The following DMWD variants were observed in gnomAD, a reference collection of about 807,000 sequenced individuals.
The protein encoded by DMWD is DM1 locus, WD repeat containing, also known as dystrophia myotonica WD repeat-containing protein.
Under a neutral mutation model 45.8 loss-of-function variants are expected in DMWD, and 19 were observed. That is an observed-to-expected ratio of 0.41 (90% CI 0.29 to 0.61). DMWD has a LOEUF of 0.61. Among genes scored for constraint, DMWD ranks in the 20% least tolerant of loss-of-function variants. DMWD has a pLI of 0.25. For synonymous variants in DMWD, 515 were observed against 440.5 expected, an observed-to-expected ratio of 1.17 and a Z score of -2.12; for missense variants, 802 against 965.2, an observed-to-expected ratio of 0.83 and a Z score of 2.24.
intron 2 of DMWD, among the ~76,000 whole-genome samples, chr19:45,788,757 C>T (rs1410661579): frequency 7.1e-6 from 1 of 141,774 alleles, no homozygotes; most frequent in Non-Finnish European, 1.6e-5. Context: ...AAAGAGACCC[C>T]GCCTCTACAA....
At chr19:45,788,308 C>T (rs1970309486) in intron 2 of DMWD, among the ~76,000 whole-genome samples, 2 of 152,268 alleles carry the variant, frequency 1.3e-5, no homozygotes, top group East Asian at 1.9e-4. Flanking sequence ...AGCCTGAGGC[C>T]CTAATGCTCT....
chr19:45,784,099 C>T lies in DMWD; in HGVS notation c.*144G>A. On this transcript the variant is annotated 3_prime_UTR_variant, in exon 5 of 5. Coordinates refer to ENST00000270223, the MANE Select transcript of DMWD (RefSeq NM_004943.2). ...CGTGTCCGGGCCAGTCTGGGGGGCC[C>T]CCAAATTTTGTGCAGGTGGGGGGAC... The T allele has an allele frequency of 1.3e-6, 1 of 755,156 alleles. No homozygotes were observed. The highest frequency in any genetic ancestry group is 2.3e-6 in the Non-Finnish European group (1 of 438,806). The allele number at this position is 755,156 out of a possible 1,614,324, so 46.8% of individuals were successfully genotyped here. A position where few individuals can be genotyped will look rare whatever the true frequency, so the allele number is the denominator to read the frequency against.
At chr19:45,791,498 A>C (rs1464525015) in intron 1 of DMWD, among the ~76,000 whole-genome samples, 6 of 152,016 alleles carry the variant, frequency 3.9e-5, no homozygotes, top group Non-Finnish European at 8.8e-5. Context: ...GAGGTCACCC[A>C]AATTTCCAGG....
At chr19:45,785,373 T>C in intron 3 of DMWD, 2 of 1,245,178 alleles carry the variant, frequency 1.6e-6, no homozygotes, top group Non-Finnish European at 2.0e-6. Context: ...TAGCTGGCTC[T>C]CACACCCACC....
intron 2 of DMWD, among the ~76,000 whole-genome samples, chr19:45,788,627 A>G (rs1297092209): frequency 2.6e-5 from 4 of 152,162 alleles, no homozygotes; most frequent in Non-Finnish European, 5.9e-5. Flanking sequence ...GCTGGCCCCG[A>G]TACTCAGAAT....
chr19:45,785,734 G>T lies in DMWD; in HGVS notation c.1762C>A (p.His588Asn), dbSNP rs897928471. 5 of 1,607,290 alleles carry T rather than the reference G, an allele frequency of 3.1e-6. No homozygotes were observed. The highest frequency in any genetic ancestry group is 4.3e-6 in the Non-Finnish European group (5 of 1,175,886). The change falls in exon 3 of 5, where the codon CAC (histidine) becomes AAC (asparagine). Residue 588 changes from histidine to asparagine, a missense_variant. Transcript: ENST00000270223. ...AGGGGCTCCAGCAGGGGCACCTCGTGGATGCGCGGGCACAGCGCAGTGCCC... is the reference window on the plus strand; with the variant it reads ...AGGGGCTCCAGCAGGGGCACCTCGTTGATGCGCGGGCACAGCGCAGTGCCC... Reference protein sequence around the residue: ...VLGTALCPRIHEVPLLEPLVC... With the variant: ...VLGTALCPRINEVPLLEPLVC...
At chr19:45,789,471 A>T (rs1282779061) in intron 2 of DMWD, 1 of 152,244 alleles carries the variant, frequency 6.6e-6, no homozygotes, top group Non-Finnish European at 1.5e-5. Context: ...TCCATGTATG[A>T]TTCTACAACA....
At chr19:45,784,989 C>T (rs559807819) in intron 3 of DMWD, among the ~76,000 whole-genome samples, 1 of 152,322 alleles carries the variant, frequency 6.6e-6, no homozygotes, top group South Asian at 2.1e-4. Flanking sequence ...CCACAGCCCA[C>T]CCAGGAGGCA....
chr19:45,785,958 T>G lies in DMWD; in HGVS notation c.1538A>C (p.Glu513Ala). 6.3e-7 allele frequency: 1 copy of G among 1,583,038 alleles called. No individual in the cohort carries two copies. Among genetic ancestry groups the G allele is most frequent in the Non-Finnish European group, 8.6e-7 (1 of 1,167,346 alleles). Residue 513 changes from glutamate (E) to alanine (A), a missense_variant, in exon 3 of 5, where the codon GAG becomes GCG. This residue lies in a region of DMWD where 303 missense variants were observed against 332.9 expected (regional missense o/e 0.91). Coordinates refer to ENST00000270223, the MANE Select transcript of DMWD (RefSeq NM_004943.2). The stretch of plus-strand genomic sequence containing the variant: ...GCCAATGCTGAATGGTGTGCCAGGC[T>G]CTGCCGCCACACCCGGGCCGCCCGC... ...GKAGGPGVAA[E>A]PGTPFSIGRF...
At position 45,785,722 on chromosome 19, in the gene DMWD, G is replaced by A. The variant is rs548973387; in HGVS notation, c.1774C>T (p.Leu592=). 1.2e-6 allele frequency: 2 copies of A among 1,605,784 alleles called. No homozygotes were observed. The highest frequency in any genetic ancestry group is 1.7e-5 in the Admixed American group (1 of 59,494). The stretch of plus-strand genomic sequence containing the variant: ...TTCTTGCACACAAGGGGCTCCAGCA[G>A]GGGCACCTCGTGGATGCGCGGGCAC... The part of the protein sequence containing the change: ...ALCPRIHEVP[L]LEPLVCKKIA... The change falls in exon 3 of 5, where the codon CTG becomes TTG. Residue 592 remains leucine, a synonymous_variant. Coordinates refer to ENST00000270223, the MANE Select transcript of DMWD (RefSeq NM_004943.2).
rs970164271 is a variant in DMWD, at chr19:45,783,512, A to G, written c.*731T>C. Reference sequence around the variant, plus strand: ...TGCGGGCAGGATGCTCTTCTCCCCAAGAGGGTCCTGCTCCAGCCGCTGGTG... The same window carrying G: ...TGCGGGCAGGATGCTCTTCTCCCCAGGAGGGTCCTGCTCCAGCCGCTGGTG... On this transcript the variant is annotated 3_prime_UTR_variant, in exon 5 of 5. Transcript: ENST00000270223. 1.8e-5 allele frequency: 7 copies of G among 398,484 alleles called. No homozygotes were observed. Among genetic ancestry groups the G allele is most frequent in the Non-Finnish European group, 2.7e-5 (6 of 226,118 alleles). The allele number at this position is 398,484 out of a possible 1,614,324, so 24.7% of individuals were successfully genotyped here.
In DMWD at chr19:45,783,762, G is replaced by T. The variant is rs1355475618; in HGVS notation, c.*481C>A. 1 of 454,626 alleles carries T rather than the reference G, an allele frequency of 2.2e-6. No individual in the cohort carries two copies. Among genetic ancestry groups the T allele is most frequent in the African/African-American group, 2.0e-5 (1 of 48,900 alleles). The allele number at this position is 454,626 out of a possible 1,614,324, so 28.2% of individuals were successfully genotyped here. Reference sequence around the variant, plus strand: ...ACAGGGAACTTTAGTATAAATAAGAGGTCCTGCGGGACAGGGAGGAACCTG... The same window carrying T: ...ACAGGGAACTTTAGTATAAATAAGATGTCCTGCGGGACAGGGAGGAACCTG... On this transcript the variant is annotated 3_prime_UTR_variant, in exon 5 of 5. Transcript: ENST00000270223.
At position 45,786,668 on chromosome 19, in the gene DMWD, C is replaced by G; in HGVS notation, c.828G>C (p.Pro276=). ...CCTCACCCACCGCCCACTTGGCCAG[C>G]GGGTTGCGGGGTGCCTTGCTCTTGG... The part of the protein sequence containing the change: ...YAAKSKAPRN[P]LAKWAVGEGP... The change falls in exon 3 of 5, where the codon CCG becomes CCC. Residue 276 remains proline, a synonymous_variant. Transcript: ENST00000270223. 1 of 1,610,568 alleles carries G rather than the reference C, an allele frequency of 6.2e-7. No individual in the cohort carries two copies. Among genetic ancestry groups the G allele is most frequent in the East Asian group, 2.2e-5 (1 of 44,786 alleles).
Position 45,786,351 on chromosome 19 carries a change from C to T in DMWD, c.1145G>A (p.Arg382Lys), listed in dbSNP as rs1193067446. Residue 382 changes from arginine to lysine, a missense_variant, in exon 3 of 5, where the codon AGG (arginine) becomes AAG (lysine). Arg to Lys is a conservative substitution (Grantham distance 26, BLOSUM62 2). Coordinates refer to ENST00000270223, the MANE Select transcript of DMWD (RefSeq NM_004943.2). ...NAVAFDPYTT[R>K]AEEAATAAGA... is the part of the protein sequence containing the mutation. ...GGCTGCTGTCGCCGCCTCCTCTGCC[C>T]TTGTGGTGTAGGGGTCAAAGGCCAC... 1.2e-6 allele frequency: 2 copies of T among 1,611,012 alleles called. No individual in the cohort carries two copies. Among genetic ancestry groups the T allele is most frequent in the East Asian group, 2.2e-5 (1 of 44,776 alleles).
Position 45,786,233 on chromosome 19 carries a change from C to T in DMWD, c.1263G>A (p.Leu421=), listed in dbSNP as rs768826443. The part of the protein sequence containing the change: ...GSAGGAPLSP[L]PKAGSITYRF... ...GGTAAGTAATGGAGCCAGCCTTGGG[C>T]AGTGGAGAGAGCGGGGCGCCCCCGG... Residue 421 remains leucine, a synonymous_variant, in exon 3 of 5, where the codon CTG becomes CTA. Coordinates refer to ENST00000270223, the MANE Select transcript of DMWD (RefSeq NM_004943.2). 16 of 1,610,750 alleles carry T rather than the reference C, an allele frequency of 9.9e-6. No individual in the cohort carries two copies. Among genetic ancestry groups the T allele is most frequent in the Non-Finnish European group, 1.4e-5 (16 of 1,178,576 alleles).
intron 2 of DMWD, chr19:45,790,111 A>G (rs1970335597): frequency 1.3e-5 from 2 of 152,148 alleles, no homozygotes; most frequent in Admixed American, 1.3e-4. Context: ...AGATCGCGCC[A>G]CTGCACTCCA....
rs1970350445 is a variant in DMWD at position 45,791,017 on chromosome 19, T to C, written c.512A>G (p.Asn171Ser). 4 of 1,578,586 alleles carry C rather than the reference T, an allele frequency of 2.5e-6. No homozygotes were observed. The highest frequency in any genetic ancestry group is 2.6e-6 in the Non-Finnish European group (3 of 1,161,852). ...KGTQPTCHDFNQFTAATETIS... is the reference protein window; with the variant it reads ...KGTQPTCHDFSQFTAATETIS... ...GGTCTCGGTGGCAGCAGTGAACTGGTTGAAATCGTGGCAGGTGGGCTGGGT... is the reference window on the plus strand; with the variant it reads ...GGTCTCGGTGGCAGCAGTGAACTGGCTGAAATCGTGGCAGGTGGGCTGGGT... The change falls in exon 2 of 5, where the codon AAC becomes AGC. Residue 171 changes from asparagine to serine, a missense_variant. Around this residue, in one of 9 missense-constraint regions of DMWD, gnomAD observed 38 missense variants for 76.1 expected, o/e 0.50. Coordinates refer to ENST00000270223, the MANE Select transcript of DMWD (RefSeq NM_004943.2).
At position 45,785,690 on chromosome 19, in the gene DMWD, G is replaced by T; in HGVS notation, c.1806C>A (p.Ala602=). 1 of 1,601,360 alleles carries T rather than the reference G, an allele frequency of 6.2e-7. No homozygotes were observed. The highest frequency in any genetic ancestry group is 1.7e-5 in the Admixed American group (1 of 59,368). ...LLEPLVCKKI[A]QERLTVLLFL... is the part of the protein sequence containing the mutation. ...ACAGGAGGACTGTGAGCCGCTCCTGGGCGATCTTCTTGCACACAAGGGGCT... is the reference window on the plus strand; with the variant it reads ...ACAGGAGGACTGTGAGCCGCTCCTGTGCGATCTTCTTGCACACAAGGGGCT... Residue 602 remains alanine (A), a synonymous_variant, in exon 3 of 5, where the codon GCC becomes GCA. Transcript: ENST00000270223.
intron 1 of DMWD, 109 bp downstream of exon 1, chr19:45,792,207 A>T: frequency 1.4e-6 from 2 of 1,423,604 alleles, no homozygotes; most frequent in Non-Finnish European, 1.8e-6. Flanking sequence ...CGTCCATCAC[A>T]TTTAGAATGC....
Sources: allele counts gnomAD v4.1 joint callset (sites outside exome capture counted in the v4.1 genomes callset), GRCh38; gene constraint gnomAD v4.1.1; regional missense constraint gnomAD v4.1.1; transcripts MANE v1.5; gene names NCBI Gene and HGNC (gene_info 2026-07-23, HGNC 2026-07-21).